VPS13B: variants seen among roughly 807,000 people sequenced by gnomAD.
VPS13B encodes the protein vacuolar protein sorting 13 homolog B, also known as intermembrane lipid transfer protein VPS13B.
VPS13B carries 285 observed loss-of-function variants against 426.4 expected under a neutral mutation model. The observed-to-expected ratio is 0.67, with a 90% CI of 0.61 to 0.74. The LOEUF is 0.74. Ranked by LOEUF, VPS13B falls within the 30% of genes least tolerant of loss-of-function variation. The probability of loss-of-function intolerance (pLI) is 0.00; values close to 1 mark genes in which losing one functional copy is unlikely to be tolerated. For synonymous variants in VPS13B, 1,676 were observed against 1,676.4 expected (o/e 1.00, Z 0.01); for missense variants, 4,537 against 4,782.6 (o/e 0.95, Z 1.51).
At chr8:99,136,824 G>C in intron 12 of VPS13B, 72 bp downstream of exon 12, 1 of 1,432,222 alleles carries the variant, frequency 7.0e-7, no homozygotes, top group Non-Finnish European at 9.8e-7. Context: ...GAATCAATTG[G>C]TCCTTGACTG....
intron 19 of VPS13B, among the ~76,000 whole-genome samples, chr8:99,331,520 C>A (rs1209403794): frequency 6.6e-6 from 1 of 151,638 alleles, no homozygotes; most frequent in Non-Finnish European, 1.5e-5. Flanking sequence ...ACTGGAATAT[C>A]AATTTTAAAA....
chr8:99,455,036 G>C (rs1424644488), intron 23 of VPS13B, among the ~76,000 whole-genome samples: 1 of 152,100 alleles, frequency 6.6e-6, no homozygotes, highest in Non-Finnish European at 1.5e-5. Context: ...TGTTTTGTCA[G>C]ATATTTTCTC....
At chr8:99,815,484 G>A (rs1588739822) in intron 44 of VPS13B, among the ~76,000 whole-genome samples, 2 of 152,186 alleles carry the variant, frequency 1.3e-5, no homozygotes, top group Admixed American at 1.3e-4. Context: ...CCATGGTGGG[G>A]AAGACAATCT....
rs554168718 is a variant in VPS13B at position 99,587,427 on chromosome 8, A to T, written c.5220+9794A>T. Among the ~76,000 whole-genome samples, 74 of 151,812 alleles carry T rather than the reference A, an allele frequency of 4.9e-4. 1 individual carries two copies. Among genetic ancestry groups the T allele is most frequent in the Admixed American group, 1.2e-3 (18 of 15,276 alleles). ...TCTTCCACAATGGTTCAACTAGTTT[A>T]TACTCCCACCAACAGTGTAAAAGTG... On this transcript the variant is annotated intron_variant, in intron 33 of 61. Transcript: ENST00000357162.
chr8:99,035,588 G>A (rs777206317), intron 2 of VPS13B, among the ~76,000 whole-genome samples: 3 of 152,136 alleles, frequency 2.0e-5, no homozygotes, highest in Non-Finnish European at 4.4e-5. Flanking sequence ...GAGTATTAGA[G>A]TTGCTTTTAC....
At chr8:99,856,579 G>A (rs995445753) in intron 56 of VPS13B, among the ~76,000 whole-genome samples, 5 of 152,226 alleles carry the variant, frequency 3.3e-5, no homozygotes, top group Admixed American at 1.3e-4. Context: ...AGTGGCTCAC[G>A]CCTGTAATCC....
intron 19 of VPS13B, among the ~76,000 whole-genome samples, chr8:99,309,951 G>A (rs942139117): frequency 1.8e-4 from 28 of 152,114 alleles, no homozygotes; most frequent in African/African-American, 5.8e-4. Context: ...GAAATTGTGA[G>A]TGGGAGTTCA....
intron 21 of VPS13B, among the ~76,000 whole-genome samples, chr8:99,401,871 CATAA>C (rs992103290): frequency 6.6e-6 from 1 of 151,938 alleles, no homozygotes; most frequent in Non-Finnish European, 1.5e-5. Context: ...TCTCTAAATA[CATAA>C]ATAAATAAAT....
intron 19 of VPS13B, among the ~76,000 whole-genome samples, chr8:99,342,350 C>T (rs116272325): frequency 6.6e-4 from 101 of 152,286 alleles, no homozygotes; most frequent in African/African-American, 2.4e-3. Context: ...ACTTATGCCT[C>T]CTCTCTGTCT....
At chr8:99,779,092 A>T (rs1049733800) in intron 42 of VPS13B, 61 bp downstream of exon 42, 5 of 1,426,194 alleles carry the variant, frequency 3.5e-6, no homozygotes, top group Non-Finnish European at 4.9e-6. Context: ...TAGGTTCTGT[A>T]TGCTATCACT....
In VPS13B at chr8:99,154,089, A is replaced by AT. The variant is rs568949865; in HGVS notation, c.2014-2453dup. 4.0e-3 allele frequency among the ~76,000 whole-genome samples: 599 copies of AT among 148,890 alleles called. 3 individuals are homozygous for AT. The highest frequency in any genetic ancestry group is 6.6e-3 in the Non-Finnish European group (443 of 67,228). ...AAGTAACATGTATTTTTTTCTGTGGATTTTTTTGGGCGACTTTATCTTTGA... is the reference window on the plus strand; with the variant it reads ...AAGTAACATGTATTTTTTTCTGTGGATTTTTTTTGGGCGACTTTATCTTTGA... On this transcript the variant is annotated intron_variant, in intron 14 of 61. Coordinates refer to ENST00000357162, the MANE Select transcript of VPS13B (RefSeq NM_152564.5).
intron 22 of VPS13B, among the ~76,000 whole-genome samples, chr8:99,434,131 AT>A (rs1211528391): frequency 6.6e-6 from 1 of 152,208 alleles, no homozygotes; most frequent in African/African-American, 2.4e-5. Flanking sequence ...ACATTAAAAA[AT>A]ATATGACACT....
At position 99,336,840 on chromosome 8, in the gene VPS13B, G is replaced by A. The variant is rs555488201; in HGVS notation, c.2825-47368G>A. ...ACCATCTCACACCAGATAGAATGGC[G>A]ATCATTAAAAAGTCAGGAAACAACA... On this transcript the variant is annotated intron_variant, in intron 19 of 61. Coordinates refer to ENST00000357162, the MANE Select transcript of VPS13B (RefSeq NM_152564.5). Among the ~76,000 whole-genome samples the A allele has an allele frequency of 3.6e-3, 552 of 152,110 alleles. 3 individuals carry two copies. The highest frequency in any genetic ancestry group is 5.1e-3 in the Non-Finnish European group (347 of 67,944).
At chr8:99,330,448 C>G (rs967267435) in intron 19 of VPS13B, among the ~76,000 whole-genome samples, 1 of 150,764 alleles carries the variant, frequency 6.6e-6, no homozygotes, top group Non-Finnish European at 1.5e-5. Context: ...AACAGAATTT[C>G]ACTTTCTGAA....
chr8:99,466,287 C>T (rs1003900883), intron 23 of VPS13B, among the ~76,000 whole-genome samples: 1 of 151,906 alleles, frequency 6.6e-6, no homozygotes, highest in African/African-American at 2.4e-5. Flanking sequence ...ATATGTTTCC[C>T]AATTTATCTG....
At chr8:99,173,502 C>T (rs78489130) in intron 16 of VPS13B, among the ~76,000 whole-genome samples, 4 of 152,094 alleles carry the variant, frequency 2.6e-5, no homozygotes, top group African/African-American at 7.2e-5. Context: ...TACCACAGTT[C>T]GAGGCCTCAA....
intron 21 of VPS13B, among the ~76,000 whole-genome samples, chr8:99,419,552 A>G (rs1296340447): frequency 6.6e-6 from 1 of 152,036 alleles, no homozygotes; most frequent in Non-Finnish European, 1.5e-5. Flanking sequence ...TTATATTTTT[A>G]TCTTTTAGGT....
chr8:99,276,884 C>T (rs1818926435), intron 19 of VPS13B, among the ~76,000 whole-genome samples: 1 of 151,988 alleles, frequency 6.6e-6, no homozygotes, highest in South Asian at 2.1e-4. Context: ...AGAATCTTGC[C>T]ACTTGTTCTT....
chr8:99,477,646 T>G (rs1042044408), intron 24 of VPS13B, among the ~76,000 whole-genome samples: 6 of 152,200 alleles, frequency 3.9e-5, no homozygotes, highest in African/African-American at 1.2e-4. Flanking sequence ...TTGAATCTAT[T>G]TCATTGTTGC....
Sources: allele counts gnomAD v4.1 joint callset (sites outside exome capture counted in the v4.1 genomes callset), GRCh38; gene constraint gnomAD v4.1.1; transcripts MANE v1.5; gene names NCBI Gene and HGNC (gene_info 2026-07-23, HGNC 2026-07-21).